FAM227B: variants seen among roughly 807,000 people sequenced by gnomAD.
FAM227B encodes family with sequence similarity 227 member B, also known as protein FAM227B.
Under a neutral mutation model 73.8 loss-of-function variants are expected in FAM227B, and 88 were observed. The ratio of observed to expected loss-of-function variants is 1.19; its 90% CI spans 1.00 to 1.42. FAM227B has a LOEUF of 1.42. FAM227B is among the 40% of genes most tolerant of loss of function. FAM227B has a pLI of 0.00. For missense variants in FAM227B, 632 were observed against 590.9 expected, an observed-to-expected ratio of 1.07 and a Z score of -0.72; for synonymous variants, 210 against 190.5, an observed-to-expected ratio of 1.10 and a Z score of -0.84.
chr15:49,418,065 G>A (rs1224394157), intron 11 of FAM227B, among the ~76,000 whole-genome samples: 2 of 152,122 alleles, frequency 1.3e-5, no homozygotes, highest in African/African-American at 2.4e-5. Flanking sequence ...ATGAAAGAAT[G>A]CTCAATACTG....
chr15:49,604,911 TTA>T (rs2077415636), intron 3 of FAM227B, among the ~76,000 whole-genome samples: 1 of 152,098 alleles, frequency 6.6e-6, no homozygotes, highest in South Asian at 2.1e-4. Flanking sequence ...TCATGATTTT[TTA>T]TCTCTTTTAT....
At chr15:49,411,094 T>C (rs1478925822) in intron 11 of FAM227B, among the ~76,000 whole-genome samples, 1 of 150,962 alleles carries the variant, frequency 6.6e-6, no homozygotes, top group East Asian at 1.9e-4. Flanking sequence ...AAAATAAAAA[T>C]GCAGAGAAAG....
chr15:49,407,470 A>T (rs1213726456), intron 11 of FAM227B, among the ~76,000 whole-genome samples: 1 of 151,242 alleles, frequency 6.6e-6, no homozygotes, highest in Admixed American at 6.6e-5. Flanking sequence ...TACACCAGTC[A>T]TCTCAGTCCC....
intron 13 of FAM227B, among the ~76,000 whole-genome samples, chr15:49,346,810 C>T (rs1035848248): frequency 3.3e-5 from 5 of 152,182 alleles, no homozygotes; most frequent in Non-Finnish European, 7.3e-5. Flanking sequence ...CACTAGAATG[C>T]ACTTAGTTCT....
At chr15:49,529,023 T>G (rs189066463) in intron 10 of FAM227B, among the ~76,000 whole-genome samples, 462 of 151,838 alleles carry the variant, frequency 3.0e-3, no homozygotes, top group Admixed American at 5.5e-3. Context: ...ACACCTGCAC[T>G]CATATGTTTA....
intron 5 of FAM227B, among the ~76,000 whole-genome samples, chr15:49,579,111 T>A (rs902159210): frequency 1.6e-4 from 25 of 152,102 alleles, no homozygotes; most frequent in Admixed American, 4.6e-4. Flanking sequence ...CAATGAAATA[T>A]CATCTTATCC....
At chr15:49,424,296 T>G in intron 11 of FAM227B, 1 of 1,612,992 alleles carries the variant, frequency 6.2e-7, no homozygotes, top group Non-Finnish European at 8.5e-7. Context: ...CACTACACTA[T>G]AATGCACAAA....
chr15:49,437,259 C>A (rs955286808), intron 11 of FAM227B, among the ~76,000 whole-genome samples: 3 of 151,460 alleles, frequency 2.0e-5, no homozygotes, highest in Non-Finnish European at 4.4e-5. Context: ...TAATTTCCTT[C>A]CCTAAAGCCA....
At chr15:49,535,387 T>C (rs1694013019) in intron 10 of FAM227B, among the ~76,000 whole-genome samples, 2 of 151,654 alleles carry the variant, frequency 1.3e-5, no homozygotes, top group African/African-American at 4.8e-5. Flanking sequence ...AATAGGAAGC[T>C]GGAACATACC....
intron 11 of FAM227B, among the ~76,000 whole-genome samples, chr15:49,470,041 C>T (rs1310782162): frequency 6.6e-6 from 1 of 152,084 alleles, no homozygotes; most frequent in African/African-American, 2.4e-5. Context: ...TCTTAATTCT[C>T]TGGTAAAATT....
intron 11 of FAM227B, among the ~76,000 whole-genome samples, chr15:49,381,883 CAGTT>C (rs1434296446): frequency 1.3e-5 from 2 of 151,826 alleles, no homozygotes; most frequent in Admixed American, 6.6e-5. Context: ...AGCAGTTGAC[CAGTT>C]AGACAATAAA....
intron 10 of FAM227B, among the ~76,000 whole-genome samples, chr15:49,523,215 T>C (rs1270560725): frequency 3.3e-5 from 5 of 152,206 alleles, no homozygotes; most frequent in African/African-American, 4.8e-5. Flanking sequence ...AGCCAGCTGA[T>C]ATGGTTTGGC....
intron 5 of FAM227B, among the ~76,000 whole-genome samples, chr15:49,586,891 G>A (rs1242086654): frequency 6.6e-6 from 1 of 152,160 alleles, no homozygotes; most frequent in Non-Finnish European, 1.5e-5. Context: ...AGCTGACGAG[G>A]TTGCAGAGAA....
intron 3 of FAM227B, among the ~76,000 whole-genome samples, chr15:49,605,607 G>A (rs2077468145): frequency 6.6e-6 from 1 of 152,182 alleles, no homozygotes. Context: ...GGTCTCAGGA[G>A]CAGTCCTGGA....
chr15:49,486,861 AATTCTAGAATATTAAAACT>A (rs2152035794), intron 11 of FAM227B: 1 of 152,034 alleles, frequency 6.6e-6, no homozygotes, highest in East Asian at 1.9e-4. Flanking sequence ...ACACCTTTAG[AATTCTAGAATATTAAAACT>A]GTAAGGGGCC....
chr15:49,552,598 A>G lies in FAM227B; in HGVS notation c.748-10792T>C, dbSNP rs147745768. On this transcript the variant is annotated intron_variant, in intron 9 of 15. Transcript: ENST00000299338. ...CCATCTCTTTTTCTACCTCCTTTTT[A>G]AGGCCAACAACTCAGATTTGCCCTT... 5.6e-3 allele frequency among the ~76,000 whole-genome samples: 856 copies of G among 152,120 alleles called. 8 individuals carry two copies. The highest frequency in any genetic ancestry group is 0.02 in the African/African-American group (815 of 41,492).
intron 11 of FAM227B, among the ~76,000 whole-genome samples, chr15:49,443,693 C>G (rs1488604271): frequency 6.6e-6 from 1 of 151,718 alleles, no homozygotes; most frequent in Non-Finnish European, 1.5e-5. Context: ...CATTTACCTT[C>G]TTCTTACTTA....
intron 13 of FAM227B, chr15:49,365,726 A>G: frequency 1.1e-6 from 1 of 892,188 alleles, no homozygotes; most frequent in Non-Finnish European, 1.9e-6. Context: ...GCAATCTCCA[A>G]GATATCTTGT....
chr15:49,427,255 T>C (rs1472740374), intron 11 of FAM227B, among the ~76,000 whole-genome samples: 1 of 152,048 alleles, frequency 6.6e-6, no homozygotes, highest in East Asian at 1.9e-4. Context: ...GAATGGAAAC[T>C]TGAAATTATG....
Sources: gnomAD v4.1 joint callset for allele counts (sites outside exome capture counted in the v4.1 genomes callset) on GRCh38, gnomAD v4.1.1 for gene constraint, MANE v1.5 for transcripts, NCBI Gene and HGNC (gene_info 2026-07-23, HGNC 2026-07-21) for gene names.